MBOAT2: variants seen among roughly 807,000 people sequenced by gnomAD.
MBOAT2 encodes membrane-bound glycerophospholipid O-acyltransferase 2.
Under a neutral mutation model 63.4 loss-of-function variants are expected in MBOAT2, and 28 were observed. That is an observed-to-expected ratio of 0.44 (90% CI 0.33 to 0.61). The LOEUF (loss-of-function observed/expected upper bound fraction) is 0.61, where lower values mean the gene tolerates loss of function less well. Among genes scored for constraint, MBOAT2 ranks in the 20% least tolerant of loss-of-function variants. MBOAT2 has a pLI of 0.03. For missense variants in MBOAT2, 470 were observed against 605.8 expected (o/e 0.78, Z 2.35); for synonymous variants, 211 against 215.6 (o/e 0.98, Z 0.19).
chr2:8,960,936 G>A (rs555173055), intron 1 of MBOAT2, among the ~76,000 whole-genome samples: 11 of 152,326 alleles, frequency 7.2e-5, no homozygotes, highest in East Asian at 1.9e-4. Context: ...ACATGAAAGC[G>A]CAAACGCACC....
At chr2:8,863,084 T>A (rs16866830) in intron 10 of MBOAT2, among the ~76,000 whole-genome samples, 6,407 of 152,274 alleles carry the variant, frequency 0.042, 148 homozygotes, top group Middle Eastern at 0.058. Context: ...TCAACTGACC[T>A]AATAACACTA....
chr2:9,002,198 G>C (rs1368186229), intron 1 of MBOAT2, among the ~76,000 whole-genome samples: 1 of 152,174 alleles, frequency 6.6e-6, no homozygotes, highest in African/African-American at 2.4e-5. Context: ...TTATTAGCAA[G>C]ACACCCATTA....
intron 1 of MBOAT2, 43 bp from the exon 2 acceptor site, chr2:8,958,685 G>C: frequency 1.4e-6 from 2 of 1,444,270 alleles, no homozygotes; most frequent in Non-Finnish European, 1.8e-6. Flanking sequence ...ACACAGACCT[G>C]AATTTTTCAT....
chr2:8,961,591 A>G (rs16866862), intron 1 of MBOAT2, among the ~76,000 whole-genome samples: 3 of 133,152 alleles, frequency 2.3e-5, no homozygotes, highest in South Asian at 2.4e-4. Flanking sequence ...ATCAGTAGGG[A>G]AAAAAAAAAA....
intron 1 of MBOAT2, among the ~76,000 whole-genome samples, chr2:8,972,679 ACAAACAACCCCAT>A (rs1205083170): frequency 6.6e-6 from 1 of 152,130 alleles, no homozygotes; most frequent in Non-Finnish European, 1.5e-5. Context: ...CAAGAAAAAA[ACAAACAACCCCAT>A]CAAAAAGTGG....
At chr2:8,981,334 T>TACCATACAAG (rs1202949096) in intron 1 of MBOAT2, among the ~76,000 whole-genome samples, 1 of 152,210 alleles carries the variant, frequency 6.6e-6, no homozygotes, top group African/African-American at 2.4e-5. Flanking sequence ...ACATGAACTG[T>TACCATACAAG]ATCTTGATAA....
At chr2:8,910,310 G>A (rs746599856) in intron 3 of MBOAT2, among the ~76,000 whole-genome samples, 20 of 152,054 alleles carry the variant, frequency 1.3e-4, no homozygotes, top group South Asian at 4.2e-4. Flanking sequence ...AAGGAGAGAG[G>A]AGCAGCGTGG....
chr2:8,886,445 G>A (rs1481711361), intron 5 of MBOAT2, among the ~76,000 whole-genome samples: 1 of 152,188 alleles, frequency 6.6e-6, no homozygotes, highest in Admixed American at 6.5e-5. Context: ...GCCCTTCTCT[G>A]AAAGATTAGC....
At chr2:9,002,054 C>T (rs2103392382) in intron 1 of MBOAT2, among the ~76,000 whole-genome samples, 1 of 150,220 alleles carries the variant, frequency 6.7e-6, no homozygotes. Context: ...TCATACACTG[C>T]ACACCAGTGT....
chr2:8,852,946 AT>A lies in MBOAT2; in HGVS notation c.*5732del, dbSNP rs1293537596. ...TGAAAAATAACACTTCTTTAAAAAA[AT>A]ATTTTGGAATAATAAAAACAGAAAG... On this transcript the variant is annotated 3_prime_UTR_variant, in exon 13 of 13. Coordinates refer to ENST00000305997, the MANE Select transcript of MBOAT2 (RefSeq NM_138799.4). 2 of 152,234 alleles carry A rather than the reference AT, an allele frequency of 1.3e-5. No individual in the cohort carries two copies. Among genetic ancestry groups the A allele is most frequent in the Non-Finnish European group, 2.9e-5 (2 of 68,044 alleles). 9.4% of individuals were successfully genotyped at this position (152,234 alleles called of 1,614,324 possible).
At chr2:8,949,012 C>T (rs969463903) in intron 2 of MBOAT2, among the ~76,000 whole-genome samples, 4 of 152,174 alleles carry the variant, frequency 2.6e-5, no homozygotes, top group Admixed American at 6.5e-5. Context: ...TGTGTTTTGA[C>T]TTTTTAATAA....
At chr2:8,901,036 G>C (rs1444107363) in intron 4 of MBOAT2, among the ~76,000 whole-genome samples, 4 of 152,102 alleles carry the variant, frequency 2.6e-5, no homozygotes, top group East Asian at 3.9e-4. Flanking sequence ...CCATGGTTTT[G>C]GTTTGTTTTG....
intron 3 of MBOAT2, among the ~76,000 whole-genome samples, chr2:8,936,218 T>A (rs1391592855): frequency 2.0e-5 from 3 of 151,988 alleles, no homozygotes; most frequent in Non-Finnish European, 4.4e-5. Flanking sequence ...AGCATCAGCA[T>A]AACAAACATT....
intron 2 of MBOAT2, among the ~76,000 whole-genome samples, chr2:8,945,007 C>T (rs963326483): frequency 7.2e-5 from 11 of 152,068 alleles, no homozygotes; most frequent in Admixed American, 7.2e-4. Flanking sequence ...TCCTTTGCTA[C>T]GTTAAATTTC....
chr2:8,872,339 G>A (rs1008136641), intron 8 of MBOAT2, among the ~76,000 whole-genome samples: 1 of 152,192 alleles, frequency 6.6e-6, no homozygotes, highest in African/African-American at 2.4e-5. Context: ...GTGCAGGGGT[G>A]CAATCATAGC....
At chr2:8,872,055 T>C (rs146793657) in intron 8 of MBOAT2, among the ~76,000 whole-genome samples, 8 of 152,336 alleles carry the variant, frequency 5.3e-5, no homozygotes, top group Admixed American at 1.3e-4. Context: ...GATCAGGCCA[T>C]CAGCCTGCCT....
At position 8,862,179 on chromosome 2, in the gene MBOAT2, A is replaced by T; in HGVS notation, c.1185+411T>A. ...ACTGTGTCCTCTTCCAGTGTGGCTC[A>T]TCCACTGTCTTGGCCTCGCACAGCC... is the stretch of plus-strand genomic sequence containing the variant. On this transcript the variant is annotated intron_variant, in intron 11 of 12. Coordinates refer to ENST00000305997, the MANE Select transcript of MBOAT2 (RefSeq NM_138799.4). This position sits in a 1 kb window ranked among gnomAD's most constrained non-coding sequence, Gnocchi z 4.3. The T allele has an allele frequency of 1.7e-6, 1 of 599,080 alleles. No individual in the cohort carries two copies. The allele number at this position is 599,080 out of a possible 1,614,324, so 37.1% of individuals were successfully genotyped here.
chr2:9,003,225 G>A lies in MBOAT2; in HGVS notation c.75+315C>T, dbSNP rs971791559. On this transcript the variant is annotated intron_variant, in intron 1 of 12. Transcript: ENST00000305997. This position sits in a 1 kb window ranked among gnomAD's most constrained non-coding sequence, Gnocchi z 5.4. Reference sequence around the variant, plus strand: ...CCGACCACCGGATCCGAGCGCCGCTGCCGCGAAGGGCAGGGACCGCATGCA... The same window carrying A: ...CCGACCACCGGATCCGAGCGCCGCTACCGCGAAGGGCAGGGACCGCATGCA... Among the ~76,000 whole-genome samples, 4 of 152,134 alleles carry A rather than the reference G, an allele frequency of 2.6e-5. No individual in the cohort carries two copies. The highest frequency in any genetic ancestry group is 9.7e-5 in the African/African-American group (4 of 41,442).
At chr2:8,898,326 T>C (rs191355582) in intron 4 of MBOAT2, among the ~76,000 whole-genome samples, 186 of 152,242 alleles carry the variant, frequency 1.2e-3, no homozygotes, top group African/African-American at 4.0e-3. Context: ...TCTTGCTGTA[T>C]CCGGGGATCC....
Sources: gnomAD v4.1 joint callset for allele counts (sites outside exome capture counted in the v4.1 genomes callset) on GRCh38, gnomAD v4.1.1 for gene constraint, Gnocchi (gnomAD v3.1) non-coding constraint, MANE v1.5 for transcripts, NCBI Gene and HGNC (gene_info 2026-07-23, HGNC 2026-07-21) for gene names.